B3GALT1: variants seen among roughly 807,000 people sequenced by gnomAD.
B3GALT1 encodes the protein beta-1,3-galactosyltransferase 1.
B3GALT1 carries 10 observed loss-of-function variants against 23.2 expected under a neutral mutation model. That is an observed-to-expected ratio of 0.43 (90% CI 0.27 to 0.73). B3GALT1 has a LOEUF of 0.73. B3GALT1 is among the 30% of genes least tolerant of loss of function. B3GALT1 has a pLI of 0.21. For synonymous variants in B3GALT1, 156 were observed against 141.5 expected (o/e 1.10, Z -0.73); for missense variants, 299 against 405.4 (o/e 0.74, Z 2.25).
chr2:167,602,175 G>A (rs987431801), intron 2 of B3GALT1, among the ~76,000 whole-genome samples: 1 of 152,082 alleles, frequency 6.6e-6, no homozygotes, highest in Non-Finnish European at 1.5e-5. Context: ...AAATAGCTAG[G>A]AACTGTGAGA....
rs10522850 is a variant in B3GALT1, at chr2:167,625,942, CATAT to C, written c.-409-20926_-409-20923del. 8.1e-3 allele frequency among the ~76,000 whole-genome samples: 954 copies of C among 117,504 alleles called. 6 individuals are homozygous for C. Among genetic ancestry groups the C allele is most frequent in the East Asian group, 0.011 (29 of 2,654 alleles). 77.1% of individuals were successfully genotyped at this position (117,504 alleles called of 152,430 possible). A position where few individuals can be genotyped will look rare whatever the true frequency, so the allele number is the denominator to read the frequency against. ...ATGACAGAAAAATCAATGACTAGGCCATATATATATATATATATATATATATATA... is the reference window on the plus strand; with the variant it reads ...ATGACAGAAAAATCAATGACTAGGCCATATATATATATATATATATATATA... On this transcript the variant is annotated intron_variant, in intron 2 of 4. Transcript: ENST00000392690.
At chr2:167,661,972 A>C (rs190070703) in intron 3 of B3GALT1, among the ~76,000 whole-genome samples, 1 of 152,028 alleles carries the variant, frequency 6.6e-6, no homozygotes. Context: ...CTGTAAAGAG[A>C]AATAAAACCT....
At chr2:167,374,763 T>C (rs1308115009) in intron 1 of B3GALT1, among the ~76,000 whole-genome samples, 1 of 152,174 alleles carries the variant, frequency 6.6e-6, no homozygotes, top group African/African-American at 2.4e-5. Context: ...GATGCATAGT[T>C]TGCAAATATT....
At chr2:167,753,462 C>G (rs184430402) in intron 3 of B3GALT1, among the ~76,000 whole-genome samples, 1 of 152,164 alleles carries the variant, frequency 6.6e-6, no homozygotes, top group South Asian at 2.1e-4. Flanking sequence ...TGGTGATCCT[C>G]CCACTTTCCA....
intron 1 of B3GALT1, among the ~76,000 whole-genome samples, chr2:167,296,888 C>G (rs1005562403): frequency 6.6e-6 from 1 of 152,044 alleles, no homozygotes; most frequent in South Asian, 2.1e-4. Flanking sequence ...CTCCTACCAA[C>G]CTGTTTATTC....
intron 4 of B3GALT1, among the ~76,000 whole-genome samples, chr2:167,853,916 A>T (rs1689952486): frequency 6.6e-6 from 1 of 152,146 alleles, no homozygotes; most frequent in Non-Finnish European, 1.5e-5. Flanking sequence ...AGTTCACAAG[A>T]GGGCCATGTG....
At chr2:167,555,898 T>G (rs1296610433) in intron 2 of B3GALT1, among the ~76,000 whole-genome samples, 1 of 152,146 alleles carries the variant, frequency 6.6e-6, no homozygotes, top group East Asian at 1.9e-4. Flanking sequence ...TATACCAACA[T>G]GCACAATGAC....
chr2:167,810,105 G>A (rs1011708712), intron 3 of B3GALT1, among the ~76,000 whole-genome samples: 3 of 151,264 alleles, frequency 2.0e-5, no homozygotes, highest in Non-Finnish European at 2.9e-5. Context: ...ATAATCTCCT[G>A]GTGTGCGGCT....
intron 1 of B3GALT1, among the ~76,000 whole-genome samples, chr2:167,393,950 C>G (rs1698056693): frequency 6.6e-6 from 1 of 152,174 alleles, no homozygotes. Flanking sequence ...ACTCTGCATA[C>G]ATCATACAGA....
At chr2:167,303,994 GCTTA>G (rs922112338) in intron 1 of B3GALT1, among the ~76,000 whole-genome samples, 1 of 152,046 alleles carries the variant, frequency 6.6e-6, no homozygotes, top group African/African-American at 2.4e-5. Flanking sequence ...GAATTTATAA[GCTTA>G]CTGTCCCCAG....
chr2:167,398,614 C>T (rs1481797585), intron 1 of B3GALT1, among the ~76,000 whole-genome samples: 1 of 152,090 alleles, frequency 6.6e-6, no homozygotes, highest in Non-Finnish European at 1.5e-5. Context: ...TTTTGATATA[C>T]ATTTTAAAGT....
chr2:167,633,908 C>G (rs1034897722), intron 2 of B3GALT1, among the ~76,000 whole-genome samples: 1 of 152,058 alleles, frequency 6.6e-6, no homozygotes, highest in Non-Finnish European at 1.5e-5. Flanking sequence ...CTCAGCACCA[C>G]ATCACAATTA....
Position 167,372,577 on chromosome 2 carries a change from T to C in B3GALT1, c.-511+79243T>C, listed in dbSNP as rs532217561. On this transcript the variant is annotated intron_variant, in intron 1 of 4. Coordinates refer to ENST00000392690, the MANE Select transcript of B3GALT1 (RefSeq NM_020981.4). ...AAGAATAAAAACATAATTGTTTATT[T>C]AGAAAACCCTAAATAGTCTAAAGAC... 8.8e-4 allele frequency among the ~76,000 whole-genome samples: 134 copies of C among 152,202 alleles called. 1 individual carries two copies. The highest frequency in any genetic ancestry group is 1.0e-3 in the Non-Finnish European group (71 of 67,948).
intron 3 of B3GALT1, among the ~76,000 whole-genome samples, chr2:167,730,163 G>A (rs774169864): frequency 3.9e-5 from 6 of 152,102 alleles, no homozygotes; most frequent in Non-Finnish European, 8.8e-5. Context: ...TACTATATCC[G>A]CCGGGGCGCT....
intron 1 of B3GALT1, among the ~76,000 whole-genome samples, chr2:167,410,912 T>C (rs1254810000): frequency 6.6e-6 from 1 of 152,134 alleles, no homozygotes; most frequent in Non-Finnish European, 1.5e-5. Context: ...TCTTAGGTCA[T>C]AAAATGAGGT....
At chr2:167,652,077 A>G (rs1426196164) in intron 3 of B3GALT1, among the ~76,000 whole-genome samples, 1 of 152,202 alleles carries the variant, frequency 6.6e-6, no homozygotes, top group Non-Finnish European at 1.5e-5. Context: ...CAAGGAAAGC[A>G]GGAAGCTAAC....
At chr2:167,335,905 C>G (rs1163749552) in intron 1 of B3GALT1, among the ~76,000 whole-genome samples, 2 of 152,042 alleles carry the variant, frequency 1.3e-5, no homozygotes, top group Non-Finnish European at 2.9e-5. Context: ...TTTACCCAGC[C>G]CCTATTCAAG....
intron 1 of B3GALT1, among the ~76,000 whole-genome samples, chr2:167,361,174 G>A (rs1205360858): frequency 2.7e-5 from 4 of 148,188 alleles, no homozygotes; most frequent in Non-Finnish European, 5.9e-5. Flanking sequence ...AAACATGTGA[G>A]TTCAGATATC....
intron 1 of B3GALT1, among the ~76,000 whole-genome samples, chr2:167,296,554 A>T (rs1371380773): frequency 6.6e-6 from 1 of 152,182 alleles, no homozygotes; most frequent in Non-Finnish European, 1.5e-5. Context: ...GAATTTCGCC[A>T]TGCTGCATTT....
Sources: allele counts gnomAD v4.1 joint callset (sites outside exome capture counted in the v4.1 genomes callset), GRCh38; gene constraint gnomAD v4.1.1; transcripts MANE v1.5; gene names NCBI Gene and HGNC (gene_info 2026-07-23, HGNC 2026-07-21).